MED26: variants seen among roughly 807,000 people sequenced by gnomAD.
The protein encoded by MED26 is mediator of RNA polymerase II transcription subunit 26.
MED26 carries 7 observed loss-of-function variants against 43.7 expected under a neutral mutation model. That is an observed-to-expected ratio of 0.16 (90% confidence interval 0.09 to 0.30). MED26 has a LOEUF of 0.30. Ranked by LOEUF, MED26 falls within the 10% of genes least tolerant of loss-of-function variation. The pLI, the probability that MED26 is intolerant of heterozygous loss-of-function variation, is 1.00. For synonymous variants in MED26, 375 were observed against 371.1 expected, an observed-to-expected ratio of 1.01 and a Z score of -0.12; for missense variants, 784 against 840.6, an observed-to-expected ratio of 0.93 and a Z score of 0.83.
At chr19:16,623,165 G>C (rs942393918) in intron 1 of MED26, among the ~76,000 whole-genome samples, 2 of 151,990 alleles carry the variant, frequency 1.3e-5, no homozygotes, top group African/African-American at 4.8e-5. Flanking sequence ...TTCTCCTGAG[G>C]GACAGAATGA....
At chr19:16,617,912 T>C (rs2086233303) in intron 1 of MED26, among the ~76,000 whole-genome samples, 1 of 152,136 alleles carries the variant, frequency 6.6e-6, no homozygotes. Context: ...ATGTGGCCCG[T>C]TTCCGTCACG....
At chr19:16,585,369 C>T (rs935519450) in intron 1 of MED26, among the ~76,000 whole-genome samples, 1 of 152,178 alleles carries the variant, frequency 6.6e-6, no homozygotes, top group Non-Finnish European at 1.5e-5. Flanking sequence ...CCAGGACAGC[C>T]ACCACCACAG....
intron 1 of MED26, among the ~76,000 whole-genome samples, chr19:16,615,852 C>T (rs2086223849): frequency 6.6e-6 from 1 of 152,154 alleles, no homozygotes; most frequent in African/African-American, 2.4e-5. Context: ...TAATCCTGGA[C>T]AGGCTGCCTC....
chr19:16,584,085 C>T (rs1234106883), intron 1 of MED26, among the ~76,000 whole-genome samples: 1 of 151,992 alleles, frequency 6.6e-6, no homozygotes, highest in Non-Finnish European at 1.5e-5. Flanking sequence ...CATCCTTCCA[C>T]ATGAGAACTT....
chr19:16,613,537 G>GTCT lies in MED26; in HGVS notation c.72+14332_72+14334dup, dbSNP rs2086209348. ...CTACCCAAGGCGCTTGACGGGCACT[G>GTCT]TCTAGGTGGCACTGGCTTCACATGC... is the stretch of plus-strand genomic sequence containing the variant. On this transcript the variant is annotated intron_variant, in intron 1 of 2. Transcript: ENST00000263390. Among the ~76,000 whole-genome samples, 3 of 152,280 alleles carry GTCT rather than the reference G, an allele frequency of 2.0e-5. No individual in the cohort carries two copies. In the South Asian group the frequency reaches 6.2e-4, roughly 32 times the overall value.
rs2085999819 is a variant in MED26 at position 16,576,348 on chromosome 19, G to A, written c.1482C>T (p.Ser494=). The change falls in exon 3 of 3, where the codon AGC becomes AGT. Residue 494 remains serine, a synonymous_variant. Transcript: ENST00000263390. This position sits in a 1 kb window ranked among gnomAD's most constrained non-coding sequence, Gnocchi z 6.8. ...EIIQSYLSRQ[S]SLLSSSGAQT... ...GCGCGCCCGATGATGAGAGCAGGCT[G>A]CTCTGCCGGCTCAGGTAGGACTGGA... The A allele has an allele frequency of 1.9e-6, 3 of 1,614,052 alleles. No homozygotes were observed. The highest frequency in any genetic ancestry group is 1.3e-5 in the African/African-American group (1 of 75,038).
In MED26 at chr19:16,577,356, G is replaced by A; in HGVS notation, c.474C>T (p.His158=). ...TGGAGACCTTGGGTGGCGGCCCTGG[G>A]TGGCCGAGGTCACGCTGGTCACCCC... ...KRRGDQRDLG[H]PGPPPKVSKA... Residue 158 remains histidine, a synonymous_variant, in exon 3 of 3, where the codon CAC becomes CAT. Coordinates refer to ENST00000263390, the MANE Select transcript of MED26 (RefSeq NM_004831.5). This position sits in a 1 kb window ranked among gnomAD's most constrained non-coding sequence, Gnocchi z 8.1. The A allele has an allele frequency of 6.2e-7, 1 of 1,611,630 alleles. No individual in the cohort carries two copies. The highest frequency in any genetic ancestry group is 8.5e-7 in the Non-Finnish European group (1 of 1,179,128).
intron 1 of MED26, among the ~76,000 whole-genome samples, chr19:16,619,977 G>A (rs1052140336): frequency 2.6e-5 from 4 of 152,188 alleles, no homozygotes; most frequent in Non-Finnish European, 5.9e-5. Flanking sequence ...CTTCACAGAT[G>A]AAGTGACATT....
intron 1 of MED26, among the ~76,000 whole-genome samples, chr19:16,601,710 G>A (rs576047503): frequency 1.4e-4 from 22 of 152,316 alleles, no homozygotes; most frequent in Non-Finnish European, 2.9e-4. Flanking sequence ...GCAAGGACCC[G>A]GGAGCAGCAC....
chr19:16,605,642 C>T (rs1018979675), intron 1 of MED26, among the ~76,000 whole-genome samples: 1 of 152,128 alleles, frequency 6.6e-6, no homozygotes, highest in Non-Finnish European at 1.5e-5. Context: ...CTGCACTGTC[C>T]CAGCCAGGCG....
Position 16,576,342 on chromosome 19 carries a change from C to G in MED26, c.1488G>C (p.Leu496=). The change falls in exon 3 of 3, where the codon CTG becomes CTC. Residue 496 remains leucine, a synonymous_variant. Transcript: ENST00000263390. This position sits in a 1 kb window ranked among gnomAD's most constrained non-coding sequence, Gnocchi z 6.8. ...IQSYLSRQSS[L]LSSSGAQTPG... ...GGGTCTGCGCGCCCGATGATGAGAGCAGGCTGCTCTGCCGGCTCAGGTAGG... is the reference window on the plus strand; with the variant it reads ...GGGTCTGCGCGCCCGATGATGAGAGGAGGCTGCTCTGCCGGCTCAGGTAGG... The G allele has an allele frequency of 1.2e-6, 2 of 1,614,036 alleles. No individual in the cohort carries two copies. The highest frequency in any genetic ancestry group is 1.7e-6 in the Non-Finnish European group (2 of 1,180,026).
intron 1 of MED26, among the ~76,000 whole-genome samples, chr19:16,598,360 A>AAT (rs2086132501): frequency 1.3e-5 from 2 of 149,528 alleles, no homozygotes; most frequent in Non-Finnish European, 3.0e-5. Flanking sequence ...AAAAAAAAAA[A>AAT]TTACCTCCCT....
intron 1 of MED26, among the ~76,000 whole-genome samples, chr19:16,601,560 CAT>C (rs1433625703): frequency 6.6e-6 from 1 of 152,218 alleles, no homozygotes. Flanking sequence ...GGCGAGCAGA[CAT>C]GTGATGAGAG....
intron 1 of MED26, among the ~76,000 whole-genome samples, chr19:16,579,073 C>G (rs1307037706): frequency 6.6e-6 from 1 of 152,070 alleles, no homozygotes; most frequent in African/African-American, 2.4e-5. Flanking sequence ...TGCACTCCAG[C>G]CTGGGTGACA....
intron 1 of MED26, among the ~76,000 whole-genome samples, chr19:16,623,141 C>T (rs1001389019): frequency 2.0e-5 from 3 of 152,136 alleles, no homozygotes; most frequent in Non-Finnish European, 4.4e-5. Flanking sequence ...TGAGGAGAGA[C>T]TGTAAAGTCC....
intron 1 of MED26, chr19:16,610,619 G>T (rs1051575278): frequency 6.6e-6 from 1 of 152,082 alleles, no homozygotes; most frequent in African/African-American, 2.4e-5. Context: ...TCAAACTCCC[G>T]AACTCAGGTG....
At chr19:16,606,659 G>A (rs979271581) in intron 1 of MED26, among the ~76,000 whole-genome samples, 2 of 152,244 alleles carry the variant, frequency 1.3e-5, no homozygotes, top group African/African-American at 4.8e-5. Context: ...CATTAGCCAC[G>A]ATGAAACCTA....
chr19:16,627,919 G>GCGGAGACGC lies in MED26; in HGVS notation c.16_24dup (p.Ala6_Pro8dup). The GCGGAGACGC allele has an allele frequency of 6.7e-7, 1 of 1,496,968 alleles. No homozygotes were observed. Among genetic ancestry groups the GCGGAGACGC allele is most frequent in the Non-Finnish European group, 8.9e-7 (1 of 1,122,068 alleles). 92.7% of individuals were successfully genotyped at this position (1,496,968 alleles called of 1,614,324 possible). A position where few individuals can be genotyped will look rare whatever the true frequency, so the allele number is the denominator to read the frequency against. On this transcript the variant is annotated inframe_insertion, in exon 1 of 3. Transcript: ENST00000263390. ...TGCAGCAGCCGGTCCCTGATCTGCT[G>GCGGAGACGC]CGGAGACGCCGGAGCCGCTGTCATT...
intron 1 of MED26, among the ~76,000 whole-genome samples, chr19:16,617,598 G>A (rs1008917256): frequency 2.6e-5 from 4 of 152,178 alleles, no homozygotes; most frequent in Non-Finnish European, 5.9e-5. Context: ...AAACAGAAAA[G>A]ATTCCCTCTC....
Sources: gnomAD v4.1 joint callset for allele counts (sites outside exome capture counted in the v4.1 genomes callset) on GRCh38, gnomAD v4.1.1 for gene constraint, Gnocchi (gnomAD v3.1) non-coding constraint, MANE v1.5 for transcripts, NCBI Gene and HGNC (gene_info 2026-07-23, HGNC 2026-07-21) for gene names.